SCAF8: variants seen among roughly 807,000 people sequenced by gnomAD.
The protein encoded by SCAF8 is SR-related and CTD-associated factor 8.
A neutral mutation model predicts 140.5 loss-of-function variants in SCAF8; 23 were observed. The ratio of observed to expected loss-of-function variants is 0.16; its 90% CI spans 0.12 to 0.23. The LOEUF is 0.23. SCAF8 is among the 10% of genes least tolerant of loss of function. The pLI, the probability that SCAF8 is intolerant of heterozygous loss-of-function variation, is 1.00. For synonymous variants in SCAF8, 575 were observed against 528.9 expected (o/e 1.09, Z -1.20); for missense variants, 1,397 against 1,555.7 (o/e 0.90, Z 1.72).
At chr6:154,808,323 G>A (rs1777983629) in intron 10 of SCAF8, 122 bp downstream of exon 10, 1 of 1,029,448 alleles carries the variant, frequency 9.7e-7, no homozygotes, top group African/African-American at 1.6e-5. Flanking sequence ...CTTTGTAATT[G>A]TTTCACCTAT....
chr6:154,815,919 A>C (rs1052683905), intron 13 of SCAF8, 103 bp downstream of exon 13: 20 of 589,924 alleles, frequency 3.4e-5, no homozygotes, highest in Non-Finnish European at 5.9e-5. Flanking sequence ...TCTGCCTTAA[A>C]TAATACACAT....
chr6:154,785,856 C>A (rs1354666690), intron 3 of SCAF8, among the ~76,000 whole-genome samples: 1 of 152,078 alleles, frequency 6.6e-6, no homozygotes, highest in Non-Finnish European at 1.5e-5. Flanking sequence ...CCTTTCTCCC[C>A]CTAAAAAGGC....
At chr6:154,747,806 C>A (rs1465211151) in intron 1 of SCAF8, among the ~76,000 whole-genome samples, 1 of 151,546 alleles carries the variant, frequency 6.6e-6, no homozygotes, top group Non-Finnish European at 1.5e-5. Flanking sequence ...CGTGCAGATA[C>A]TATTTTAGGC....
chr6:154,792,171 T>A (rs1370113241), intron 4 of SCAF8, among the ~76,000 whole-genome samples: 2 of 151,934 alleles, frequency 1.3e-5, no homozygotes, highest in African/African-American at 4.8e-5. Flanking sequence ...TAGTAAAGAA[T>A]AAAGAAGAGG....
intron 3 of SCAF8, among the ~76,000 whole-genome samples, chr6:154,781,308 A>G (rs1777077211): frequency 6.6e-6 from 1 of 152,214 alleles, no homozygotes; most frequent in South Asian, 2.1e-4. Flanking sequence ...CTTCAAGGAG[A>G]TCTACAAACC....
intron 1 of SCAF8, among the ~76,000 whole-genome samples, chr6:154,764,337 A>G (rs1439820202): frequency 3.3e-5 from 5 of 149,992 alleles, no homozygotes; most frequent in Middle Eastern, 3.2e-3. Context: ...CATTGAAATG[A>G]TAAGTCTTGA....
intron 4 of SCAF8, among the ~76,000 whole-genome samples, chr6:154,791,231 C>G (rs1457031435): frequency 1.3e-5 from 2 of 152,110 alleles, no homozygotes; most frequent in Non-Finnish European, 2.9e-5. Context: ...AGGAATTTTT[C>G]TAGTTACCAA....
At chr6:154,774,531 A>G (rs1776865073) in intron 2 of SCAF8, among the ~76,000 whole-genome samples, 1 of 152,158 alleles carries the variant, frequency 6.6e-6, no homozygotes, top group Admixed American at 6.5e-5. Context: ...CTTTTGCCAC[A>G]CTGTCTTTTG....
intron 9 of SCAF8, among the ~76,000 whole-genome samples, chr6:154,806,949 C>A (rs561889298): frequency 2.0e-5 from 3 of 152,200 alleles, no homozygotes; most frequent in Admixed American, 2.0e-4. Context: ...TGTAATAATA[C>A]AAAAATCACA....
intron 2 of SCAF8, 37 bp from the exon 3 acceptor site, chr6:154,777,964 G>T: frequency 7.5e-7 from 1 of 1,335,136 alleles, no homozygotes; most frequent in South Asian, 1.2e-5. Context: ...TCCTCAAACT[G>T]ATTTTAAAAC....
intron 6 of SCAF8, among the ~76,000 whole-genome samples, chr6:154,796,341 A>C (rs540671571): frequency 8.9e-6 from 1 of 111,746 alleles, no homozygotes; most frequent in East Asian, 4.2e-4. Context: ...ATGATTCAGC[A>C]TTGCAATCCT....
intron 1 of SCAF8, among the ~76,000 whole-genome samples, chr6:154,769,712 A>G (rs1776681330): frequency 6.6e-6 from 1 of 152,244 alleles, no homozygotes; most frequent in Non-Finnish European, 1.5e-5. Flanking sequence ...ATAAGGGGAC[A>G]TATAGTTGGA....
At chr6:154,817,277 C>T (rs951039141) in intron 13 of SCAF8, among the ~76,000 whole-genome samples, 4 of 152,218 alleles carry the variant, frequency 2.6e-5, no homozygotes, top group Non-Finnish European at 5.9e-5. Context: ...TTGCTCTGAA[C>T]AGACCTTGCA....
Position 154,733,746 on chromosome 6 carries a change from G to A in SCAF8, c.-155G>A, listed in dbSNP as rs1778326700. The A allele has an allele frequency of 2.2e-6, 3 of 1,333,858 alleles. No individual in the cohort carries two copies. Among genetic ancestry groups the A allele is most frequent in the South Asian group, 2.0e-5 (1 of 51,154 alleles). The allele number at this position is 1,333,858 out of a possible 1,614,324, so 82.6% of individuals were successfully genotyped here. ...TGAGGGAGCCCTTCCCCGCCAGCGC[G>A]TGCCCTTCCACTCCGCCCCGAGGTC... On this transcript the variant is annotated 5_prime_UTR_variant, in exon 1 of 20. It adds an upstream start codon to the 5' untranslated region. Coordinates refer to ENST00000367178, the MANE Select transcript of SCAF8 (RefSeq NM_014892.5).
At chr6:154,802,985 T>C (rs1343884070) in intron 7 of SCAF8, among the ~76,000 whole-genome samples, 1 of 152,202 alleles carries the variant, frequency 6.6e-6, no homozygotes, top group African/African-American at 2.4e-5. Flanking sequence ...TTATTAATTA[T>C]GGGAATATCA....
intron 3 of SCAF8, among the ~76,000 whole-genome samples, chr6:154,781,930 T>C (rs1340603058): frequency 1.3e-5 from 2 of 152,212 alleles, no homozygotes; most frequent in African/African-American, 4.8e-5. Context: ...AGTTTGGTCA[T>C]ATATTATCCG....
intron 3 of SCAF8, among the ~76,000 whole-genome samples, chr6:154,784,511 G>A (rs1777195287): frequency 6.6e-6 from 1 of 152,086 alleles, no homozygotes; most frequent in Admixed American, 6.6e-5. Context: ...GTTTCTGTGG[G>A]TTCCAACCCA....
chr6:154,759,595 TA>T (rs1451584811), intron 1 of SCAF8, among the ~76,000 whole-genome samples: 2 of 151,862 alleles, frequency 1.3e-5, no homozygotes, highest in Non-Finnish European at 2.9e-5. Flanking sequence ...CAATAATCTT[TA>T]AAAAATTATT....
intron 6 of SCAF8, among the ~76,000 whole-genome samples, chr6:154,798,106 A>G (rs1450845377): frequency 6.6e-6 from 1 of 151,490 alleles, no homozygotes; most frequent in Non-Finnish European, 1.5e-5. Flanking sequence ...TGGAGTATAC[A>G]AGACGAGCAA....
Sources: gnomAD v4.1 joint callset for allele counts (sites outside exome capture counted in the v4.1 genomes callset) on GRCh38, gnomAD v4.1.1 for gene constraint, MANE v1.5 for transcripts, NCBI Gene and HGNC (gene_info 2026-07-23, HGNC 2026-07-21) for gene names.